Variants in IRAG2 observed in about 807,000 individuals in gnomAD.
IRAG2 encodes the protein inositol 1,4,5-triphosphate receptor associated 2.
IRAG2 carries 45 observed loss-of-function variants against 69.9 expected under a neutral mutation model. The ratio of observed to expected loss-of-function variants is 0.64; its 90% confidence interval spans 0.51 to 0.83. The LOEUF (loss-of-function observed/expected upper bound fraction) is 0.83, where lower values mean the gene tolerates loss of function less well. Among genes scored for constraint, IRAG2 ranks in the 40% least tolerant of loss-of-function variants. IRAG2 has a pLI of 0.00. For missense variants in IRAG2, 520 were observed against 587.0 expected (o/e 0.89, Z 1.18); for synonymous variants, 193 against 202.4 (o/e 0.95, Z 0.40).
At chr12:25,020,646 T>G in intron 6 of IRAG2, 1 of 395,712 alleles carries the variant, frequency 2.5e-6, no homozygotes, top group Non-Finnish European at 4.4e-6. Flanking sequence ...TGAAAGATCA[T>G]GGGTATATTT....
intron 2 of IRAG2, among the ~76,000 whole-genome samples, chr12:25,009,926 C>T (rs1944462077): frequency 6.6e-6 from 1 of 152,168 alleles, no homozygotes. Context: ...ATGAGGCCCA[C>T]CTGCACTAGA....
intron 2 of IRAG2, chr12:25,005,422 A>G (rs1195437812): frequency 9.6e-6 from 6 of 624,828 alleles, no homozygotes; most frequent in Non-Finnish European, 1.4e-5. Flanking sequence ...TTCTATTGTG[A>G]GAGAAAGGGA....
rs1267055121 is a variant in IRAG2 at position 25,066,405 on chromosome 12, G to A, written c.-166G>A. On this transcript the variant is annotated 5_prime_UTR_variant, in exon 5 of 22. It introduces an in-frame stop codon into an upstream open reading frame of the 5' UTR. Transcript: ENST00000556887. ...ATAGTTTTACAGCAGTTCCAACCCT[G>A]GAATCAACACCTTTCTCAGGTGTAG... 1 of 400,944 alleles carries A rather than the reference G, an allele frequency of 2.5e-6. No individual in the cohort carries two copies. Among genetic ancestry groups the A allele is most frequent in the African/African-American group, 2.1e-5 (1 of 48,658 alleles). 24.8% of individuals were successfully genotyped at this position (400,944 alleles called of 1,614,324 possible).
intron 6 of IRAG2, among the ~76,000 whole-genome samples, chr12:25,071,876 T>C (rs951001408): frequency 6.6e-6 from 1 of 152,020 alleles, no homozygotes; most frequent in Non-Finnish European, 1.5e-5. Context: ...GATATGTGAC[T>C]GCGTGGTTTT....
At chr12:25,104,834 GTATTA>G (rs1376416851) in intron 20 of IRAG2, among the ~76,000 whole-genome samples, 2 of 151,766 alleles carry the variant, frequency 1.3e-5, no homozygotes, top group Admixed American at 1.3e-4. Context: ...TATAACGTAC[GTATTA>G]TATAACATAT....
intron 3 of IRAG2, among the ~76,000 whole-genome samples, chr12:25,063,250 A>G (rs2139982248): frequency 6.6e-6 from 1 of 152,308 alleles, no homozygotes; most frequent in Non-Finnish European, 1.5e-5. Context: ...TTTAGTAGAG[A>G]TGGGGTTTCC....
rs566638376 is a variant in IRAG2 at position 25,105,322 on chromosome 12, C to T, written c.1148+860C>T. On this transcript the variant is annotated intron_variant, in intron 20 of 21. Transcript: ENST00000556887. ...CGATCTCCTGACCTCGTGATCCGCCCGCCTCGGCCTCCCAAAGTGCTGGGA... is the reference window on the plus strand; with the variant it reads ...CGATCTCCTGACCTCGTGATCCGCCTGCCTCGGCCTCCCAAAGTGCTGGGA... 4.6e-5 allele frequency among the ~76,000 whole-genome samples: 7 copies of T among 152,102 alleles called. No homozygotes were observed. In the South Asian group the frequency reaches 6.2e-4, roughly 14 times the overall value.
chr12:25,054,208 CT>C (rs1235461007), intron 1 of IRAG2, among the ~76,000 whole-genome samples: 1 of 152,162 alleles, frequency 6.6e-6, no homozygotes, highest in Non-Finnish European at 1.5e-5. Context: ...GTAAGGCAGT[CT>C]TTAAATTACA....
intron 15 of IRAG2, among the ~76,000 whole-genome samples, chr12:25,098,151 C>T (rs1948535364): frequency 6.6e-6 from 1 of 152,110 alleles, no homozygotes; most frequent in East Asian, 1.9e-4. Context: ...ACTCATTTGG[C>T]GAATCTACAA....
chr12:25,092,514 G>A (rs895048966), intron 14 of IRAG2, among the ~76,000 whole-genome samples: 17 of 142,088 alleles, frequency 1.2e-4, no homozygotes, highest in East Asian at 4.2e-4. Context: ...GCAGTGAGGC[G>A]AAATCATGCC....
chr12:25,037,854 A>G, intron 15 of IRAG2: 1 of 396,872 alleles, frequency 2.5e-6, no homozygotes. Context: ...TCATTGACAT[A>G]CAGTTTTGGC....
At chr12:25,078,225 T>G (rs1356929786) in intron 6 of IRAG2, among the ~76,000 whole-genome samples, 1 of 152,250 alleles carries the variant, frequency 6.6e-6, no homozygotes, top group African/African-American at 2.4e-5. Context: ...CTTGTAAATT[T>G]TAATGTACTA....
chr12:25,089,607 T>A lies in IRAG2; in HGVS notation c.374-7T>A, dbSNP rs1415907334. 1 of 1,551,124 alleles carries A rather than the reference T, an allele frequency of 6.4e-7. No homozygotes were observed. The highest frequency in any genetic ancestry group is 1.7e-5 in the Admixed American group (1 of 57,722). On this transcript the variant is annotated splice_polypyrimidine_tract_variant and splice_region_variant and intron_variant, in intron 11 of 21. Coordinates refer to ENST00000556887, the MANE Select transcript of IRAG2 (RefSeq NM_001366544.2). ...TAACCAAATAATATTTTATTATATT[T>A]TAATAGACTCTGTGGTTTCCCCTCT... is the stretch of plus-strand genomic sequence containing the variant.
intron 16 of IRAG2, among the ~76,000 whole-genome samples, chr12:25,040,397 C>T (rs1944738620): frequency 6.6e-6 from 1 of 151,964 alleles, no homozygotes; most frequent in Non-Finnish European, 1.5e-5. Context: ...GTCTCAGCTA[C>T]TTGGGAGGTT....
intron 9 of IRAG2, among the ~76,000 whole-genome samples, chr12:25,027,287 T>C (rs555078912): frequency 6.6e-6 from 1 of 152,302 alleles, no homozygotes; most frequent in South Asian, 2.1e-4. Flanking sequence ...GGACATTTCA[T>C]ATAAATTAAA....
At chr12:25,087,153 CT>C (rs780510333) in intron 10 of IRAG2, among the ~76,000 whole-genome samples, 1,285 of 76,296 alleles carry the variant, frequency 0.017, 7 homozygotes, top group African/African-American at 0.067. Context: ...ACTCTCCTTC[CT>C]TTTTTTTTTT....
intron 10 of IRAG2, among the ~76,000 whole-genome samples, chr12:25,084,460 A>G (rs1947437312): frequency 6.6e-6 from 1 of 152,102 alleles, no homozygotes; most frequent in South Asian, 2.1e-4. Flanking sequence ...ATTAAAGAGT[A>G]ACTACAGGTC....
Position 25,004,941 on chromosome 12 carries a change from T to C in IRAG2, c.574+26T>C, listed in dbSNP as rs534147653. 41 of 1,203,272 alleles carry C rather than the reference T, an allele frequency of 3.4e-5. No individual in the cohort carries two copies. The African/African-American group carries it at 5.0e-4, about 15-fold the overall frequency. The allele number at this position is 1,203,272 out of a possible 1,614,324, so 74.5% of individuals were successfully genotyped here. ...GTAAATATTCATCTTTTAATGTTTG[T>C]CCTTCCAATAGAGCAATAAACATAT... On this transcript the variant is annotated intron_variant, in intron 1 of 38. Transcript: ENST00000636465.
At chr12:25,007,444 A>G (rs1944441420) in intron 2 of IRAG2, among the ~76,000 whole-genome samples, 1 of 152,094 alleles carries the variant, frequency 6.6e-6, no homozygotes, top group Non-Finnish European at 1.5e-5. Flanking sequence ...ATGTTTATTC[A>G]TTGCAGTTTG....
Sources: gnomAD v4.1 joint callset for allele counts (sites outside exome capture counted in the v4.1 genomes callset) on GRCh38, gnomAD v4.1.1 for gene constraint, MANE v1.5 for transcripts, NCBI Gene and HGNC (gene_info 2026-07-23, HGNC 2026-07-21) for gene names.